MED12L: variants seen among roughly 807,000 people sequenced by gnomAD.
The protein encoded by MED12L is mediator complex subunit 12L, also known as mediator of RNA polymerase II transcription subunit 12-like protein.
In MED12L, 60 loss-of-function variants were observed where a neutral mutation model predicts 281.3. The ratio of observed to expected loss-of-function variants is 0.21; its 90% CI spans 0.17 to 0.26. The LOEUF (loss-of-function observed/expected upper bound fraction) is 0.26, where lower values mean the gene tolerates loss of function less well. Ranked by LOEUF, MED12L falls within the 10% of genes least tolerant of loss-of-function variation. The probability of loss-of-function intolerance (pLI) is 1.00; values close to 1 mark genes in which losing one functional copy is unlikely to be tolerated. For missense variants in MED12L, 2,146 were observed against 2,680.9 expected (o/e 0.80, Z 4.41); for synonymous variants, 974 against 987.2 (o/e 0.99, Z 0.25).
intron 16 of MED12L, chr3:151,213,801 A>G (rs1441656940): frequency 6.2e-7 from 1 of 1,614,190 alleles, no homozygotes; most frequent in South Asian, 1.1e-5. Flanking sequence ...TCAGTTCTAT[A>G]CATTTTATTT....
chr3:151,370,117 T>C (rs75913414), intron 26 of MED12L, among the ~76,000 whole-genome samples: 2,127 of 152,332 alleles, frequency 0.014, 41 homozygotes, highest in African/African-American at 0.048. Flanking sequence ...TAATTCATAA[T>C]GTCCAAGATG....
chr3:151,341,545 C>A (rs1266452935), intron 16 of MED12L, among the ~76,000 whole-genome samples: 1 of 146,822 alleles, frequency 6.8e-6, no homozygotes, highest in African/African-American at 2.5e-5. Flanking sequence ...GATTGAAGGG[C>A]AAAGTGTTTT....
At chr3:151,195,971 G>T (rs548866255) in intron 16 of MED12L, among the ~76,000 whole-genome samples, 27 of 152,338 alleles carry the variant, frequency 1.8e-4, no homozygotes, top group African/African-American at 6.3e-4. Flanking sequence ...CTGGTTGAAT[G>T]GTTGAGGGTT....
intron 16 of MED12L, chr3:151,329,342 C>T (rs1379111370): frequency 3.3e-6 from 2 of 602,450 alleles, no homozygotes; most frequent in African/African-American, 3.8e-5. Flanking sequence ...ACTAATACAT[C>T]AGATTGCTGT....
intron 16 of MED12L, among the ~76,000 whole-genome samples, chr3:151,344,842 TGTGA>T (rs1315371420): frequency 6.6e-6 from 1 of 152,142 alleles, no homozygotes; most frequent in African/African-American, 2.4e-5. Flanking sequence ...TATCAGAAAA[TGTGA>T]GTAAGGTGAA....
intron 1 of MED12L, chr3:151,086,452 TC>T (rs1284092758): frequency 6.6e-6 from 1 of 150,820 alleles, no homozygotes; most frequent in Non-Finnish European, 1.5e-5. Context: ...GGCGAGCACT[TC>T]AGCCACCAGC....
chr3:151,294,328 A>G, intron 16 of MED12L: 3 of 1,614,186 alleles, frequency 1.9e-6, no homozygotes, highest in Non-Finnish European at 2.5e-6. Context: ...CCAGGCAAAC[A>G]TTACACGCAG....
intron 5 of MED12L, among the ~76,000 whole-genome samples, chr3:151,144,792 AC>A (rs1388622123): frequency 6.6e-6 from 1 of 152,160 alleles, no homozygotes; most frequent in African/African-American, 2.4e-5. Flanking sequence ...TGTCCCAGGA[AC>A]ATCCCAGAGG....
At chr3:151,423,884 T>C (rs189469561) in intron 43 of MED12L, among the ~76,000 whole-genome samples, 86 of 152,374 alleles carry the variant, frequency 5.6e-4, no homozygotes, top group African/African-American at 2.0e-3. Context: ...AGTTGGCTTT[T>C]TACATCGACT....
chr3:151,105,290 A>C (rs1721873351), intron 2 of MED12L, among the ~76,000 whole-genome samples: 1 of 152,006 alleles, frequency 6.6e-6, no homozygotes, highest in Admixed American at 6.6e-5. Context: ...CCAAGCTCTC[A>C]CATCTTAGAT....
At chr3:151,158,627 C>CAAAA in intron 6 of MED12L, 62 bp from the exon 7 acceptor site, 1 of 1,022,842 alleles carries the variant, frequency 9.8e-7, no homozygotes, top group Non-Finnish European at 1.5e-6. Flanking sequence ...ATAAGAATGA[C>CAAAA]AGTGCCTTTT....
chr3:151,376,385 G>T (rs193163535), intron 28 of MED12L, among the ~76,000 whole-genome samples, 171 bp downstream of exon 28: 1 of 152,202 alleles, frequency 6.6e-6, no homozygotes, highest in Non-Finnish European at 1.5e-5. Context: ...GGATGTACAT[G>T]CTGCAAATTG....
intron 5 of MED12L, among the ~76,000 whole-genome samples, chr3:151,152,042 G>A (rs1718591873): frequency 7.1e-6 from 1 of 141,318 alleles, no homozygotes. Flanking sequence ...TAGCTAAGGA[G>A]TTTGTCCTTA....
intron 16 of MED12L, among the ~76,000 whole-genome samples, chr3:151,288,760 G>C (rs538335705): frequency 1.3e-5 from 2 of 152,262 alleles, no homozygotes; most frequent in African/African-American, 4.8e-5. Flanking sequence ...AATAATACCA[G>C]TCTCCCTGCA....
chr3:151,401,269 GTTTT>G (rs796782093), intron 39 of MED12L, among the ~76,000 whole-genome samples: 3 of 138,446 alleles, frequency 2.2e-5, no homozygotes, highest in Non-Finnish European at 3.3e-5. Flanking sequence ...AATTTATTCA[GTTTT>G]TTTGTTTGTT....
In MED12L at chr3:151,377,107, C is replaced by G. The variant is rs1426078123; in HGVS notation, c.4245C>G (p.Leu1415=). Residue 1415 remains leucine, a synonymous_variant, in exon 30 of 45, where the codon CTC becomes CTG. Coordinates refer to ENST00000687756, the MANE Select transcript of MED12L (RefSeq NM_001393769.1). Reference sequence around the variant, plus strand: ...ATTCTTCTAATTCTGGCATGAGCCTCTTCAACCCAAACAGTATTGGAAGTG... The same window carrying G: ...ATTCTTCTAATTCTGGCATGAGCCTGTTCAACCCAAACAGTATTGGAAGTG... ...LNNSSNSGMS[L]FNPNSIGSAD... is the part of the protein sequence containing the mutation. 6.2e-7 allele frequency: 1 copy of G among 1,614,074 alleles called. No homozygotes were observed. The highest frequency in any genetic ancestry group is 8.5e-7 in the Non-Finnish European group (1 of 1,179,942).
At chr3:151,285,204 G>C (rs1039456394) in intron 16 of MED12L, among the ~76,000 whole-genome samples, 2 of 152,180 alleles carry the variant, frequency 1.3e-5, no homozygotes, top group Non-Finnish European at 2.9e-5. Flanking sequence ...CAGTGGACTG[G>C]CCGGACGTGG....
intron 5 of MED12L, among the ~76,000 whole-genome samples, chr3:151,136,202 T>C (rs1716114631): frequency 6.6e-6 from 1 of 152,228 alleles, no homozygotes; most frequent in African/African-American, 2.4e-5. Context: ...ATTTGTGACA[T>C]ATTCACTGAG....
chr3:151,159,847 G>T lies in MED12L; in HGVS notation c.853G>T (p.Val285Phe), dbSNP rs1719754635. 4.3e-6 allele frequency: 7 copies of T among 1,613,882 alleles called. No homozygotes were observed. The East Asian group carries it at 1.6e-4, about 36-fold the overall frequency. Residue 285 changes from valine to phenylalanine, a missense_variant, in exon 8 of 45, where the codon GTT becomes TTT. Physicochemically the swap from Val to Phe is conservative, Grantham distance 50. Transcript: ENST00000687756. ...TACTTCTCAGTATTCAGATGAGTTTGTTCAGTCGGCCTACCTGTCTCGTCG... is the reference window on the plus strand; with the variant it reads ...TACTTCTCAGTATTCAGATGAGTTTTTTCAGTCGGCCTACCTGTCTCGTCG... ...PLMLQYSDEFVQSAYLSRRLA... is the reference protein window; with the variant it reads ...PLMLQYSDEFFQSAYLSRRLA...
Sources: allele counts gnomAD v4.1 joint callset (sites outside exome capture counted in the v4.1 genomes callset), GRCh38; gene constraint gnomAD v4.1.1; transcripts MANE v1.5; gene names NCBI Gene and HGNC (gene_info 2026-07-23, HGNC 2026-07-21).